Variants in MON2 observed in about 807,000 individuals in gnomAD.
MON2 encodes protein MON2 homolog.
In MON2, 84 loss-of-function variants were observed where a neutral mutation model predicts 208.6. The ratio of observed to expected loss-of-function variants is 0.40; its 90% CI spans 0.34 to 0.48. The LOEUF (loss-of-function observed/expected upper bound fraction) is 0.48. Among genes scored for constraint, MON2 ranks in the 20% least tolerant of loss-of-function variants. The pLI is 0.59. For synonymous variants in MON2, 660 were observed against 694.0 expected (o/e 0.95, Z 0.77); for missense variants, 1,611 against 2,015.4 (o/e 0.80, Z 3.84).
rs184173771 is a variant in MON2 at position 62,560,702 on chromosome 12, G to A, written c.3621G>A (p.Arg1207=). 2.0e-5 allele frequency: 32 copies of A among 1,614,086 alleles called. No individual in the cohort carries two copies. In the African/African-American group the frequency reaches 3.3e-4, roughly 17 times the overall value. ...VLIGPISGMS[R]PFVRTDSIGE... ...TAGGGCCCATATCAGGCATGAGCAG[G>A]CCATTTGTAAGAACAGATTCCATTG... Residue 1207 remains arginine, a synonymous_variant, in exon 26 of 35, where the codon AGG becomes AGA. Transcript: ENST00000393630.
At chr12:62,585,673 A>ATTAACATG (rs1325196612) in intron 33 of MON2, 172 bp downstream of exon 33, 1 of 518,886 alleles carries the variant, frequency 1.9e-6, no homozygotes, top group African/African-American at 1.9e-5. Flanking sequence ...CTGCAGATAT[A>ATTAACATG]TTAACATGTT....
chr12:62,535,763 A>G (rs2072936983), intron 14 of MON2, 54 bp downstream of exon 14: 2 of 1,352,544 alleles, frequency 1.5e-6, no homozygotes, highest in African/African-American at 1.5e-5. Flanking sequence ...TATGGTGTAG[A>G]CAGAAGATTA....
intron 34 of MON2, chr12:62,588,869 A>G (rs967979418): frequency 4.1e-6 from 6 of 1,478,592 alleles, no homozygotes; most frequent in Admixed American, 2.0e-5. Context: ...GTATCAGCCT[A>G]TTTGGAATAC....
chr12:62,576,358 G>C (rs73124314), intron 30 of MON2, among the ~76,000 whole-genome samples: 1 of 151,686 alleles, frequency 6.6e-6, no homozygotes, highest in Non-Finnish European at 1.5e-5. Flanking sequence ...AGATCTTTTT[G>C]GGGGGGTGAT....
rs1203169923 is a variant in MON2, at chr12:62,594,565, CAG to C, written c.*1818_*1819del. The C allele has an allele frequency of 2.6e-5, 4 of 152,184 alleles. No individual in the cohort carries two copies. In the East Asian group the frequency reaches 7.7e-4, roughly 29 times the overall value. The allele number at this position is 152,184 out of a possible 1,614,324, so 9.4% of individuals were successfully genotyped here. ...CATAATCACTGATAAAGCATTGAAA[CAG>C]AATAACCCAAGGGTAGTGTACCGAT... On this transcript the variant is annotated 3_prime_UTR_variant, in exon 35 of 35. Transcript: ENST00000393630.
rs1358073191 is a variant in MON2 at position 62,537,131 on chromosome 12, G to A, written c.1901-20G>A. ...TATAAAAATATATTTTAATTATTTA[G>A]GCTTTCCTTTGTGTTCTAGCATATT... is the stretch of plus-strand genomic sequence containing the variant. On this transcript the variant is annotated intron_variant, in intron 14 of 34. Transcript: ENST00000393630. 37 of 1,388,388 alleles carry A rather than the reference G, an allele frequency of 2.7e-5. No individual in the cohort carries two copies. Among genetic ancestry groups the A allele is most frequent in the Non-Finnish European group, 3.6e-5 (36 of 1,001,746 alleles). The allele number at this position is 1,388,388 out of a possible 1,614,324, so 86.0% of individuals were successfully genotyped here.
intron 14 of MON2, 84 bp downstream of exon 14, chr12:62,535,793 C>A: frequency 9.1e-7 from 1 of 1,099,364 alleles, no homozygotes; most frequent in South Asian, 2.5e-5. Flanking sequence ...GAGTTTAAGT[C>A]TCTGCTTTTT....
intron 12 of MON2, among the ~76,000 whole-genome samples, chr12:62,532,919 G>A (rs2072725000): frequency 6.6e-6 from 1 of 152,028 alleles, no homozygotes; most frequent in South Asian, 2.1e-4. Flanking sequence ...TCAAAATAAG[G>A]TTAGTCTCCT....
chr12:62,556,715 T>A (rs577251526), intron 25 of MON2, among the ~76,000 whole-genome samples: 12 of 152,096 alleles, frequency 7.9e-5, no homozygotes, highest in African/African-American at 2.9e-4. Context: ...AAGAAAGAGT[T>A]TGATTATCAA....
At chr12:62,502,387 C>T (rs565368128) in intron 7 of MON2, among the ~76,000 whole-genome samples, 251 of 145,044 alleles carry the variant, frequency 1.7e-3, no homozygotes, top group Non-Finnish European at 3.0e-3. Flanking sequence ...GGTGAGAGAG[C>T]GAGACCCCAT....
chr12:62,468,547 A>G (rs889423258), intron 1 of MON2, among the ~76,000 whole-genome samples: 6 of 152,202 alleles, frequency 3.9e-5, no homozygotes, highest in African/African-American at 7.2e-5. Flanking sequence ...CATTGGTTTT[A>G]TCAGTTTTCA....
chr12:62,484,154 ATTT>A lies in MON2; in HGVS notation c.112-13_112-11del. 1 of 1,570,930 alleles carries A rather than the reference ATTT, an allele frequency of 6.4e-7. No homozygotes were observed. Among genetic ancestry groups the A allele is most frequent in the Non-Finnish European group, 8.7e-7 (1 of 1,152,494 alleles). On this transcript the variant is annotated splice_polypyrimidine_tract_variant and intron_variant, in intron 1 of 34. Coordinates refer to ENST00000393630, the MANE Select transcript of MON2 (RefSeq NM_015026.3). The stretch of plus-strand genomic sequence containing the variant: ...TGGCAGTAAATTTTGTGTTCTAATT[ATTT>A]TTATTCTTGCAGGCTGCTGAATCAG...
At chr12:62,507,000 A>G (rs1298590922) in intron 7 of MON2, among the ~76,000 whole-genome samples, 3 of 152,198 alleles carry the variant, frequency 2.0e-5, no homozygotes, top group South Asian at 4.1e-4. Flanking sequence ...TGCTTTCTTT[A>G]TGATATACCA....
At chr12:62,507,917 T>A (rs1357398978) in intron 7 of MON2, among the ~76,000 whole-genome samples, 1 of 152,036 alleles carries the variant, frequency 6.6e-6, no homozygotes, top group Non-Finnish European at 1.5e-5. Context: ...TACTGGTGCG[T>A]GCCACCATAC....
chr12:62,579,558 C>CT (rs1555178736), intron 31 of MON2, among the ~76,000 whole-genome samples: 1 of 117,540 alleles, frequency 8.5e-6, no homozygotes, highest in Non-Finnish European at 1.8e-5. Context: ...CCCGTCTCTA[C>CT]TAAAAAAAAA....
In MON2 at chr12:62,503,800, G is replaced by A. The variant is rs547844827; in HGVS notation, c.789+2102G>A. The stretch of plus-strand genomic sequence containing the variant: ...CCTGGAATCCTTTTTTCCTCATATG[G>A]CTTGCTGTCTTACTTTTTTGAGGGC... On this transcript the variant is annotated intron_variant, in intron 7 of 34. Coordinates refer to ENST00000393630, the MANE Select transcript of MON2 (RefSeq NM_015026.3). 3.0e-4 allele frequency among the ~76,000 whole-genome samples: 46 copies of A among 152,080 alleles called. 1 individual carries two copies. The South Asian group carries it at 9.6e-3, about 32-fold the overall frequency.
At chr12:62,578,557 G>A in intron 31 of MON2, 52 bp downstream of exon 31, 1 of 1,173,710 alleles carries the variant, frequency 8.5e-7, no homozygotes, top group Non-Finnish European at 1.2e-6. Context: ...AAACCAAATA[G>A]TAAAAATGTT....
At chr12:62,528,960 TA>T (rs1466753611) in intron 11 of MON2, among the ~76,000 whole-genome samples, 1 of 152,158 alleles carries the variant, frequency 6.6e-6, no homozygotes, top group Non-Finnish European at 1.5e-5. Flanking sequence ...ACCCAGATGT[TA>T]ACCCCAGTAC....
chr12:62,578,807 G>C lies in MON2; in HGVS notation c.4575+302G>C, dbSNP rs185284397. Among the ~76,000 whole-genome samples the C allele has an allele frequency of 4.6e-5, 7 of 152,292 alleles. No homozygotes were observed. The South Asian group carries it at 6.2e-4, about 14-fold the overall frequency. Reference sequence around the variant, plus strand: ...TCCATCAGTCAGGAGGCATATATTTGAGAGCTTACTCTGCAGTTTGACATA... The same window carrying C: ...TCCATCAGTCAGGAGGCATATATTTCAGAGCTTACTCTGCAGTTTGACATA... On this transcript the variant is annotated intron_variant, in intron 31 of 34. Transcript: ENST00000393630.
Sources: gnomAD v4.1 joint callset for allele counts (sites outside exome capture counted in the v4.1 genomes callset) on GRCh38, gnomAD v4.1.1 for gene constraint, MANE v1.5 for transcripts, NCBI Gene and HGNC (gene_info 2026-07-23, HGNC 2026-07-21) for gene names.